Variants in XYLT1 observed in about 807,000 individuals in gnomAD.
XYLT1 encodes beta-D-xylosyltransferase 1.
Under a neutral mutation model 91.3 loss-of-function variants are expected in XYLT1, and 36 were observed. That is an observed-to-expected ratio of 0.39 (90% CI 0.30 to 0.52). The LOEUF is 0.52. Among genes scored for constraint, XYLT1 ranks in the 20% least tolerant of loss-of-function variants. The pLI, the probability that XYLT1 is intolerant of heterozygous loss-of-function variation, is 0.68. For missense variants in XYLT1, 1,242 were observed against 1,284.5 expected (o/e 0.97, Z 0.51); for synonymous variants, 588 against 532.0 (o/e 1.11, Z -1.45).
chr16:17,401,275 C>T (rs2035965998), intron 1 of XYLT1, among the ~76,000 whole-genome samples: 1 of 152,110 alleles, frequency 6.6e-6, no homozygotes, highest in African/African-American at 2.4e-5. Flanking sequence ...ACCATTCTGC[C>T]TTGAGGTTGC....
At chr16:17,434,413 G>A (rs1274829810) in intron 1 of XYLT1, among the ~76,000 whole-genome samples, 1 of 152,220 alleles carries the variant, frequency 6.6e-6, no homozygotes, top group East Asian at 1.9e-4. Flanking sequence ...ATGCCTTTCT[G>A]TCTTTCGTAA....
Position 17,418,957 on chromosome 16 carries a change from G to A in XYLT1, c.363+51477C>T, listed in dbSNP as rs1287296529. On this transcript the variant is annotated intron_variant, in intron 1 of 11. Coordinates refer to ENST00000261381, the MANE Select transcript of XYLT1 (RefSeq NM_022166.4). ...TTATAGCATGAGCGCTGCTGTAGGC[G>A]ATATCTAAATGAATGGGTATAGCTG... Among the ~76,000 whole-genome samples, 7 of 152,168 alleles carry A rather than the reference G, an allele frequency of 4.6e-5. No individual in the cohort carries two copies. In the East Asian group the frequency reaches 5.8e-4, roughly 13 times the overall value.
intron 1 of XYLT1, among the ~76,000 whole-genome samples, chr16:17,399,273 G>A (rs1488528976): frequency 2.6e-5 from 4 of 152,052 alleles, no homozygotes; most frequent in Non-Finnish European, 2.9e-5. Context: ...GGCCATCCTC[G>A]AGGCTCCTCC....
chr16:17,276,997 C>CT (rs1413444449), intron 2 of XYLT1, among the ~76,000 whole-genome samples: 3 of 152,186 alleles, frequency 2.0e-5, no homozygotes, highest in Non-Finnish European at 2.9e-5. Context: ...CCTACAACGA[C>CT]TTTTCATACA....
chr16:17,375,469 G>A (rs77459201), intron 1 of XYLT1, among the ~76,000 whole-genome samples: 1,900 of 75,540 alleles, frequency 0.025, 22 homozygotes, highest in Middle Eastern at 0.11. Flanking sequence ...TCTTGTTCAA[G>A]ATAACATTTA....
intron 1 of XYLT1, among the ~76,000 whole-genome samples, chr16:17,400,636 GAA>G (rs1454390425): frequency 7.2e-5 from 5 of 69,262 alleles, no homozygotes; most frequent in Non-Finnish European, 1.2e-4. Flanking sequence ...AGGGAGGAAG[GAA>G]GGAAGGAAGG....
At chr16:17,165,243 G>A (rs2031648551) in intron 5 of XYLT1, among the ~76,000 whole-genome samples, 2 of 152,198 alleles carry the variant, frequency 1.3e-5, no homozygotes, top group South Asian at 4.1e-4. Flanking sequence ...CTAAGAGGTA[G>A]ATGCTATTAT....
At chr16:17,359,501 G>A (rs967831988) in intron 1 of XYLT1, among the ~76,000 whole-genome samples, 1 of 152,190 alleles carries the variant, frequency 6.6e-6, no homozygotes, top group African/African-American at 2.4e-5. Context: ...GCTCAGCTCT[G>A]TCCTTTAGGA....
At position 17,417,905 on chromosome 16, in the gene XYLT1, G is replaced by A. The variant is rs572567661; in HGVS notation, c.363+52529C>T. Among the ~76,000 whole-genome samples, 4 of 152,318 alleles carry A rather than the reference G, an allele frequency of 2.6e-5. No individual in the cohort carries two copies. The East Asian group carries it at 7.7e-4, about 29-fold the overall frequency. On this transcript the variant is annotated intron_variant, in intron 1 of 11. Coordinates refer to ENST00000261381, the MANE Select transcript of XYLT1 (RefSeq NM_022166.4). Reference sequence around the variant, plus strand: ...AGCCACCATGTGGCAAGAAGCCCAAGACACACAGGATAGACCATGTCTGAT... The same window carrying A: ...AGCCACCATGTGGCAAGAAGCCCAAAACACACAGGATAGACCATGTCTGAT...
At chr16:17,138,625 G>GTAAGAAC (rs2030858931) in intron 7 of XYLT1, 94 bp from the exon 8 acceptor site, 1 of 1,419,948 alleles carries the variant, frequency 7.0e-7, no homozygotes, top group Admixed American at 1.9e-5. Flanking sequence ...CTGAGTTCAT[G>GTAAGAAC]TAAGAACTGG....
At chr16:17,244,084 C>T (rs1055223768) in intron 3 of XYLT1, among the ~76,000 whole-genome samples, 8 of 152,114 alleles carry the variant, frequency 5.3e-5, no homozygotes, top group Admixed American at 1.3e-4. Context: ...CCAGACGTCC[C>T]GAGGGGCTCA....
rs147188671 is a variant in XYLT1 at position 17,125,411 on chromosome 16, G to A, written c.2223+2255C>T. ...AATGCAACCTGAACATCTTTCCCGG[G>A]CCTGCAAGACTACTCCCTGAGGCCT... is the stretch of plus-strand genomic sequence containing the variant. On this transcript the variant is annotated intron_variant, in intron 10 of 11. Coordinates refer to ENST00000261381, the MANE Select transcript of XYLT1 (RefSeq NM_022166.4). Among the ~76,000 whole-genome samples, 749 of 152,120 alleles carry A rather than the reference G, an allele frequency of 4.9e-3. 9 individuals carry two copies. Among genetic ancestry groups the A allele is most frequent in the South Asian group, 0.01 (50 of 4,816 alleles).
chr16:17,293,403 A>G (rs1036704344), intron 2 of XYLT1, among the ~76,000 whole-genome samples: 2 of 152,086 alleles, frequency 1.3e-5, no homozygotes, highest in Non-Finnish European at 2.9e-5. Flanking sequence ...TACCAATTAA[A>G]TAACGTGACA....
intron 1 of XYLT1, among the ~76,000 whole-genome samples, chr16:17,465,875 A>T (rs777945203): frequency 3.0e-4 from 46 of 152,202 alleles, no homozygotes; most frequent in Non-Finnish European, 6.2e-4. Context: ...TCATCCTCAT[A>T]CAGCCCTATG....
chr16:17,405,160 T>A (rs1163491216), intron 1 of XYLT1, among the ~76,000 whole-genome samples: 1 of 152,184 alleles, frequency 6.6e-6, no homozygotes, highest in Admixed American at 6.5e-5. Context: ...GGGAGCCAAC[T>A]CCTGCTGAGG....
chr16:17,183,364 G>T (rs1380550180), intron 5 of XYLT1, among the ~76,000 whole-genome samples: 1 of 152,166 alleles, frequency 6.6e-6, no homozygotes, highest in South Asian at 2.1e-4. Flanking sequence ...AGAAACCAAG[G>T]ATTTAGATGG....
chr16:17,319,768 G>T (rs2034689562), intron 2 of XYLT1, among the ~76,000 whole-genome samples: 1 of 152,100 alleles, frequency 6.6e-6, no homozygotes. Context: ...AAGATACCAA[G>T]CCTGAATTTG....
In XYLT1 at chr16:17,308,193, C is replaced by A. The variant is rs1401056235; in HGVS notation, c.403-48695G>T. Among the ~76,000 whole-genome samples the A allele has an allele frequency of 2.6e-5, 4 of 152,264 alleles. No homozygotes were observed. The South Asian group carries it at 8.3e-4, about 32-fold the overall frequency. On this transcript the variant is annotated intron_variant, in intron 2 of 11. Transcript: ENST00000261381. The stretch of plus-strand genomic sequence containing the variant: ...AGTTCCTGTAGACACATCCCACAAC[C>A]CCAACCTCCCAAGATGGTGCCAGTA...
intron 2 of XYLT1, among the ~76,000 whole-genome samples, chr16:17,291,102 CTT>C (rs919420889): frequency 1.3e-5 from 2 of 152,152 alleles, no homozygotes; most frequent in African/African-American, 2.4e-5. Flanking sequence ...ACCTGGTTAA[CTT>C]TTTTTTGGCA....
Sources: gnomAD v4.1 joint callset for allele counts (sites outside exome capture counted in the v4.1 genomes callset) on GRCh38, gnomAD v4.1.1 for gene constraint, MANE v1.5 for transcripts, NCBI Gene and HGNC (gene_info 2026-07-23, HGNC 2026-07-21) for gene names.